The following GNA11 variants were observed in gnomAD, a reference collection of about 807,000 sequenced individuals.
GNA11 encodes guanine nucleotide-binding protein subunit alpha-11.
Under a neutral mutation model 38.2 loss-of-function variants are expected in GNA11, and 8 were observed. That is an observed-to-expected ratio of 0.21 (90% confidence interval 0.12 to 0.38). The LOEUF (loss-of-function observed/expected upper bound fraction) is 0.38, where lower values mean the gene tolerates loss of function less well. Among genes scored for constraint, GNA11 ranks in the 10% least tolerant of loss-of-function variants. GNA11 has a pLI of 1.00. For synonymous variants in GNA11, 211 were observed against 221.4 expected (o/e 0.95, Z 0.42); for missense variants, 268 against 516.3 (o/e 0.52, Z 4.66).
chr19:3,114,925 AC>A lies in GNA11; in HGVS notation c.477-16del. The stretch of plus-strand genomic sequence containing the variant: ...CCCACCCCCGGCAGCCGGCCTGAGC[AC>A]CCACCGCTGTGTTGCAGCTACCTGA... On this transcript the variant is annotated intron_variant, in intron 3 of 6. Coordinates refer to ENST00000078429, the MANE Select transcript of GNA11 (RefSeq NM_002067.5). 2 of 1,587,546 alleles carry A rather than the reference AC, an allele frequency of 1.3e-6. No individual in the cohort carries two copies. Among genetic ancestry groups the A allele is most frequent in the Non-Finnish European group, 1.7e-6 (2 of 1,165,758 alleles).
chr19:3,110,033 C>A lies in GNA11; in HGVS notation c.137-116C>A. The A allele has an allele frequency of 1.3e-6, 1 of 751,068 alleles. No homozygotes were observed. Among genetic ancestry groups the A allele is most frequent in the Non-Finnish European group, 2.2e-6 (1 of 460,754 alleles). 46.5% of individuals were successfully genotyped at this position (751,068 alleles called of 1,614,324 possible). Reference sequence around the variant, plus strand: ...TCTGGTGGAGAGACGGTCAGCCTCACGTGCCTTGGTTTCCTGTGCTGGGTG... The same window carrying A: ...TCTGGTGGAGAGACGGTCAGCCTCAAGTGCCTTGGTTTCCTGTGCTGGGTG... On this transcript the variant is annotated intron_variant, in intron 1 of 6. Coordinates refer to ENST00000078429, the MANE Select transcript of GNA11 (RefSeq NM_002067.5). The surrounding 1 kb of genome is among the most constrained non-coding windows in gnomAD (Gnocchi z 5.4).
intron 1 of GNA11, among the ~76,000 whole-genome samples, chr19:3,103,312 A>T (rs1913550872): frequency 6.6e-6 from 1 of 151,158 alleles, no homozygotes; most frequent in South Asian, 2.1e-4. Flanking sequence ...CTCCTGGTTC[A>T]AGTGATTCTC....
intron 1 of GNA11, among the ~76,000 whole-genome samples, chr19:3,103,739 T>G (rs1913565721): frequency 2.0e-5 from 3 of 151,592 alleles, no homozygotes; most frequent in Admixed American, 2.0e-4. Flanking sequence ...AGTCTTGCTC[T>G]GTCGCCTAGG....
In GNA11 at chr19:3,108,724, C is replaced by T. The variant is rs1913695128; in HGVS notation, c.137-1425C>T. Among the ~76,000 whole-genome samples the T allele has an allele frequency of 6.6e-6, 1 of 152,210 alleles. No homozygotes were observed. Among genetic ancestry groups the T allele is most frequent in the Non-Finnish European group, 1.5e-5 (1 of 68,050 alleles). ...TAACAAAACTTATTTCAGATAGTTT[C>T]TGAGGGTTGGGAATGTGGGAGCACT... is the stretch of plus-strand genomic sequence containing the variant. On this transcript the variant is annotated intron_variant, in intron 1 of 6. Transcript: ENST00000078429. The surrounding 1 kb of genome is among the most constrained non-coding windows in gnomAD (Gnocchi z 4.5).
At position 3,123,467 on chromosome 19, in the gene GNA11, A is replaced by G. The variant is rs1914137834; in HGVS notation, c.*2288A>G. The G allele has an allele frequency of 8.6e-6, 2 of 233,078 alleles. No individual in the cohort carries two copies. The highest frequency in any genetic ancestry group is 3.6e-4 in the South Asian group (2 of 5,524). The allele number at this position is 233,078 out of a possible 1,614,324, so 14.4% of individuals were successfully genotyped here. Reference sequence around the variant, plus strand: ...TGGCACCCAGGGGCAAGGACAGCCAACCCCCACCCTTGCCACGTGTGGGGC... The same window carrying G: ...TGGCACCCAGGGGCAAGGACAGCCAGCCCCCACCCTTGCCACGTGTGGGGC... On this transcript the variant is annotated 3_prime_UTR_variant, in exon 7 of 7. Transcript: ENST00000078429.
intron 2 of GNA11, among the ~76,000 whole-genome samples, chr19:3,112,591 G>A (rs1054647486): frequency 3.9e-5 from 6 of 152,244 alleles, no homozygotes; most frequent in African/African-American, 1.4e-4. Flanking sequence ...GTGCAAGCAC[G>A]TGTCTGTGCG....
rs927320873 is a variant in GNA11, at chr19:3,123,886, C to A, written c.*2707C>A. 3.4e-5 allele frequency: 8 copies of A among 232,492 alleles called. No homozygotes were observed. The highest frequency in any genetic ancestry group is 5.1e-5 in the Non-Finnish European group (6 of 117,652). 14.4% of individuals were successfully genotyped at this position (232,492 alleles called of 1,614,324 possible). A position where few individuals can be genotyped will look rare whatever the true frequency, so the allele number is the denominator to read the frequency against. On this transcript the variant is annotated 3_prime_UTR_variant, in exon 7 of 7. Transcript: ENST00000078429. ...GGGGCTGAGGAGCGGCTCAGTGTCA[C>A]CTCCCACAGCCACCGGCCCTGACCC...
chr19:3,118,574 T>G, intron 4 of GNA11: 1 of 267,694 alleles, frequency 3.7e-6, no homozygotes, highest in Non-Finnish European at 7.2e-6. Flanking sequence ...GTGCTCAGGG[T>G]GACATCCAGA....
At chr19:3,114,181 C>T (rs1913849421) in intron 3 of GNA11, among the ~76,000 whole-genome samples, 1 of 152,168 alleles carries the variant, frequency 6.6e-6, no homozygotes, top group Admixed American at 6.5e-5. Context: ...GTGGGAGGGC[C>T]CAGATAACCA....
At position 3,121,041 on chromosome 19, in the gene GNA11, G is replaced by C. The variant is rs1914059277; in HGVS notation, c.942G>C (p.Val314=). 3 of 1,613,686 alleles carry C rather than the reference G, an allele frequency of 1.9e-6. No individual in the cohort carries two copies. In the South Asian group the frequency reaches 3.3e-5, roughly 18 times the overall value. The change falls in exon 7 of 7, where the codon GTG becomes GTC. Residue 314 remains valine, a synonymous_variant. Transcript: ENST00000078429. The part of the protein sequence containing the change: ...AAREFILKMF[V]DLNPDSDKII... ...GGGAGTTCATCCTGAAGATGTTCGT[G>C]GACCTGAACCCCGACAGCGACAAGA... is the stretch of plus-strand genomic sequence containing the variant.
At chr19:3,102,491 T>C (rs1913530293) in intron 1 of GNA11, among the ~76,000 whole-genome samples, 1 of 152,176 alleles carries the variant, frequency 6.6e-6, no homozygotes, top group Admixed American at 6.5e-5. Flanking sequence ...CCTCCCTGCC[T>C]GAGGGTGCGT....
At chr19:3,105,078 G>A (rs1423630403) in intron 1 of GNA11, among the ~76,000 whole-genome samples, 2 of 149,486 alleles carry the variant, frequency 1.3e-5, no homozygotes, top group African/African-American at 4.9e-5. Context: ...GTGTGGCCTC[G>A]TGGCAGGGAG....
chr19:3,115,185 C>T, intron 4 of GNA11, 113 bp downstream of exon 4: 2 of 1,275,294 alleles, frequency 1.6e-6, no homozygotes, highest in South Asian at 2.7e-5. Context: ...GGGAGGATCG[C>T]CTGAGTCCAG....
chr19:3,094,589 G>A lies in GNA11; in HGVS notation c.-63G>A. ...GCGGCGGCCGAGGCGGCTCCGGCCA[G>A]GGCCGGGCCGGGGGCCGGGGGGCGG... On this transcript the variant is annotated 5_prime_UTR_variant, in exon 1 of 7. Transcript: ENST00000078429. The surrounding 1 kb of genome is among the most constrained non-coding windows in gnomAD (Gnocchi z 6.0). 2.3e-6 allele frequency: 2 copies of A among 879,802 alleles called. No individual in the cohort carries two copies. Among genetic ancestry groups the A allele is most frequent in the Non-Finnish European group, 2.7e-6 (2 of 729,356 alleles). The allele number at this position is 879,802 out of a possible 1,614,324, so 54.5% of individuals were successfully genotyped here. A position where few individuals can be genotyped will look rare whatever the true frequency, so the allele number is the denominator to read the frequency against.
In GNA11 at chr19:3,123,622, C is replaced by T. The variant is rs1332425668; in HGVS notation, c.*2443C>T. 1 of 233,036 alleles carries T rather than the reference C, an allele frequency of 4.3e-6. No homozygotes were observed. Among genetic ancestry groups the T allele is most frequent in the East Asian group, 6.0e-5 (1 of 16,574 alleles). The allele number at this position is 233,036 out of a possible 1,614,324, so 14.4% of individuals were successfully genotyped here. On this transcript the variant is annotated 3_prime_UTR_variant, in exon 7 of 7. Transcript: ENST00000078429. ...CAGCAGCCCCCGGCCACTGCAAACCCATGCCCTGGGTCCCCCGGCTCCCCC... is the reference window on the plus strand; with the variant it reads ...CAGCAGCCCCCGGCCACTGCAAACCTATGCCCTGGGTCCCCCGGCTCCCCC...
intron 1 of GNA11, among the ~76,000 whole-genome samples, chr19:3,109,501 A>G (rs1913716260): frequency 6.6e-6 from 1 of 152,174 alleles, no homozygotes; most frequent in South Asian, 2.1e-4. Flanking sequence ...GCAGGCGTGG[A>G]GACGTAAAGG....
chr19:3,116,605 C>T (rs924762458), intron 4 of GNA11, among the ~76,000 whole-genome samples: 4 of 152,226 alleles, frequency 2.6e-5, no homozygotes, highest in African/African-American at 7.2e-5. Context: ...CTCTGTGTGA[C>T]GTTATCCTAA....
At position 3,123,732 on chromosome 19, in the gene GNA11, T is replaced by G. The variant is rs567114684; in HGVS notation, c.*2553T>G. The stretch of plus-strand genomic sequence containing the variant: ...GGCGGACGGGACCCAGTGATACTTG[T>G]ATATTACACAGTCCTGATTTCAGAC... On this transcript the variant is annotated 3_prime_UTR_variant, in exon 7 of 7. Coordinates refer to ENST00000078429, the MANE Select transcript of GNA11 (RefSeq NM_002067.5). 1 of 232,756 alleles carries G rather than the reference T, an allele frequency of 4.3e-6. No individual in the cohort carries two copies. The highest frequency in any genetic ancestry group is 8.5e-6 in the Non-Finnish European group (1 of 117,806). The allele number at this position is 232,756 out of a possible 1,614,324, so 14.4% of individuals were successfully genotyped here. A position where few individuals can be genotyped will look rare whatever the true frequency, so the allele number is the denominator to read the frequency against.
chr19:3,108,518 C>T lies in GNA11; in HGVS notation c.137-1631C>T, dbSNP rs530527867. The stretch of plus-strand genomic sequence containing the variant: ...ATTCAGAGACACAGGGTGGTGAAGG[C>T]GAGCCTGGAGAAGTGGGCTGGGGGC... On this transcript the variant is annotated intron_variant, in intron 1 of 6. Transcript: ENST00000078429. The surrounding 1 kb of genome is among the most constrained non-coding windows in gnomAD (Gnocchi z 4.5). 5.3e-4 allele frequency among the ~76,000 whole-genome samples: 77 copies of T among 146,008 alleles called. No individual in the cohort carries two copies. The highest frequency in any genetic ancestry group is 1.8e-3 in the African/African-American group (71 of 38,706).
Sources: gnomAD v4.1 joint callset for allele counts (sites outside exome capture counted in the v4.1 genomes callset) on GRCh38, gnomAD v4.1.1 for gene constraint, Gnocchi (gnomAD v3.1) non-coding constraint, MANE v1.5 for transcripts, NCBI Gene and HGNC (gene_info 2026-07-23, HGNC 2026-07-21) for gene names.